The following MMP20 variants were observed in gnomAD, a reference collection of about 807,000 sequenced individuals.
MMP20 encodes matrix metalloproteinase-20.
MMP20 carries 50 observed loss-of-function variants against 51.8 expected under a neutral mutation model. The ratio of observed to expected loss-of-function variants is 0.97; its 90% CI spans 0.77 to 1.22. The LOEUF is 1.22. MMP20 is among the 50% of genes most tolerant of loss of function. The pLI is 0.00. For missense variants in MMP20, 663 were observed against 601.4 expected, an observed-to-expected ratio of 1.10 and a Z score of -1.07; for synonymous variants, 244 against 216.2, an observed-to-expected ratio of 1.13 and a Z score of -1.13.
intron 8 of MMP20, chr11:102,583,503 T>C (rs1222456007): frequency 6.6e-6 from 1 of 152,212 alleles, no homozygotes; most frequent in Non-Finnish European, 1.5e-5. Flanking sequence ...TACAGTATCA[T>C]GTTGTATAGG....
At chr11:102,615,961 C>T (rs1859664323) in intron 2 of MMP20, among the ~76,000 whole-genome samples, 1 of 152,102 alleles carries the variant, frequency 6.6e-6, no homozygotes, top group African/African-American at 2.4e-5. Context: ...TTGGTTGGAC[C>T]AACCTGGGGA....
Position 102,609,769 on chromosome 11 carries a change from T to C in MMP20, c.649+136A>G, listed in dbSNP as rs1431580046. The C allele has an allele frequency of 7.9e-6, 10 of 1,258,104 alleles. No homozygotes were observed. The East Asian group carries it at 2.1e-4, about 27-fold the overall frequency. The allele number at this position is 1,258,104 out of a possible 1,614,324, so 77.9% of individuals were successfully genotyped here. On this transcript the variant is annotated intron_variant, in intron 4 of 9. Transcript: ENST00000260228. Reference sequence around the variant, plus strand: ...TTTCCCTTATGTGATCCCTTTTGGATTTTTGGCTTACTTGTTTTTCCTAGC... The same window carrying C: ...TTTCCCTTATGTGATCCCTTTTGGACTTTTGGCTTACTTGTTTTTCCTAGC...
At chr11:102,594,390 G>A (rs1859354197) in intron 7 of MMP20, among the ~76,000 whole-genome samples, 1 of 152,192 alleles carries the variant, frequency 6.6e-6, no homozygotes, top group African/African-American at 2.4e-5. Context: ...ACCTAACACA[G>A]TGCCTTACTA....
intron 5 of MMP20, 86 bp downstream of exon 5, chr11:102,608,851 A>G (rs1859554033): frequency 8.8e-6 from 12 of 1,368,538 alleles, no homozygotes; most frequent in Non-Finnish European, 1.3e-5. Flanking sequence ...ATCTTTACCA[A>G]TGCAGATAAA....
At chr11:102,610,243 T>G (rs1859580191) in intron 3 of MMP20, among the ~76,000 whole-genome samples, 1 of 152,196 alleles carries the variant, frequency 6.6e-6, no homozygotes, top group Non-Finnish European at 1.5e-5. Context: ...ATAGTAAGCA[T>G]TAGCAATAAA....
chr11:102,601,125 C>CTTTTTTTTTTTTTTTTTTTTTTTT (rs1168517234), intron 6 of MMP20, among the ~76,000 whole-genome samples: 6 of 28,266 alleles, frequency 2.1e-4, no homozygotes, highest in Non-Finnish European at 3.0e-4. Flanking sequence ...GTCGGCTATT[C>CTTTTTTTTTTTTTTTTTTTTTTTT]TTTTTTTTTT....
rs533495464 is a variant in MMP20, at chr11:102,589,298, T to A, written c.1247+4141A>T. 7.2e-5 allele frequency among the ~76,000 whole-genome samples: 11 copies of A among 152,320 alleles called. No individual in the cohort carries two copies. In the South Asian group the frequency reaches 8.3e-4, roughly 11 times the overall value. On this transcript the variant is annotated intron_variant, in intron 8 of 9. Coordinates refer to ENST00000260228, the MANE Select transcript of MMP20 (RefSeq NM_004771.4). The stretch of plus-strand genomic sequence containing the variant: ...GGAAACTCCTACACAACTCTCAAAG[T>A]GGAGCTCAGCCATCACTTCCTCTAA...
rs1784423 is a variant in MMP20 at position 102,606,664 on chromosome 11, A to G, written c.824T>C (p.Val275Ala). Residue 275 changes from valine (V) to alanine (A), a missense_variant, in exon 6 of 10, where the codon GTA (valine) becomes GCA (alanine). Transcript: ENST00000260228. ...GIQALYGPRK[V>A]FLGKPTLPHA... is the part of the protein sequence containing the mutation. ...GGGCAGAGTGGGCTTCCCCAGGAAT[A>G]CTTTCCGAGGTCCTAGGATTCAAAA... 731,043 of 1,611,858 alleles carry G rather than the reference A, an allele frequency of 0.45. 168,714 individuals carry two copies. The highest frequency in any genetic ancestry group is 0.58 in the South Asian group (52,361 of 91,036).
At chr11:102,609,634 G>A (rs1208353896) in intron 4 of MMP20, among the ~76,000 whole-genome samples, 1 of 152,162 alleles carries the variant, frequency 6.6e-6, no homozygotes, top group African/African-American at 2.4e-5. Flanking sequence ...TAAATACTAG[G>A]TTGTTGAAGG....
At chr11:102,600,639 A>C (rs1281615554) in intron 6 of MMP20, among the ~76,000 whole-genome samples, 2 of 152,082 alleles carry the variant, frequency 1.3e-5, no homozygotes, top group Non-Finnish European at 2.9e-5. Context: ...CACTGCCACC[A>C]CATCTGGCTA....
At chr11:102,585,460 C>T (rs534511600) in intron 8 of MMP20, among the ~76,000 whole-genome samples, 8 of 152,288 alleles carry the variant, frequency 5.3e-5, no homozygotes, top group African/African-American at 1.4e-4. Context: ...TCATTCCTTG[C>T]AACCTTTCTG....
chr11:102,613,641 G>T (rs1047683625), intron 2 of MMP20, among the ~76,000 whole-genome samples: 4 of 152,096 alleles, frequency 2.6e-5, no homozygotes, highest in African/African-American at 4.8e-5. Context: ...GTAATCCTAG[G>T]GTCCCAAATG....
In MMP20 at chr11:102,579,668, C is replaced by T. The variant is rs180817980; in HGVS notation, c.1248-526G>A. ...CCTAAAAGAGATTATAGACCTTTAT[C>T]ACTATGCTCCCATGTTCCTGAGATT... is the stretch of plus-strand genomic sequence containing the variant. On this transcript the variant is annotated intron_variant, in intron 8 of 9. Transcript: ENST00000260228. 1.1e-3 allele frequency among the ~76,000 whole-genome samples: 163 copies of T among 152,232 alleles called. 1 individual carries two copies. The highest frequency in any genetic ancestry group is 2.7e-3 in the Admixed American group (42 of 15,296).
chr11:102,593,720 C>T lies in MMP20; in HGVS notation c.1091-125G>A, dbSNP rs1784440. On this transcript the variant is annotated intron_variant, in intron 7 of 9. Transcript: ENST00000260228. ...TGGGATACTTGCCATGGCTATAACC[C>T]AACAAGAGATATAAGCTTCTAACTA... The T allele has an allele frequency of 0.56, 573,794 of 1,032,646 alleles. 161,788 individuals are homozygous for T. The highest frequency in any genetic ancestry group is 0.66 in the South Asian group (47,662 of 72,578). The allele number at this position is 1,032,646 out of a possible 1,614,324, so 64.0% of individuals were successfully genotyped here.
At chr11:102,580,838 A>G (rs561109408) in intron 8 of MMP20, among the ~76,000 whole-genome samples, 3 of 152,328 alleles carry the variant, frequency 2.0e-5, no homozygotes, top group South Asian at 4.1e-4. Context: ...CTGAGAATAA[A>G]AGATGGTTCT....
chr11:102,598,558 C>T (rs771784451), intron 6 of MMP20, among the ~76,000 whole-genome samples: 4 of 152,176 alleles, frequency 2.6e-5, no homozygotes, highest in African/African-American at 9.7e-5. Context: ...ACCTGATCAA[C>T]AAGTTTCATA....
At position 102,611,783 on chromosome 11, in the gene MMP20, C is replaced by T. The variant is rs756811316; in HGVS notation, c.495G>A (p.Ala165=). 8.7e-6 allele frequency: 14 copies of T among 1,614,066 alleles called. No individual in the cohort carries two copies. The highest frequency in any genetic ancestry group is 6.7e-5 in the Admixed American group (4 of 60,012). Residue 165 remains alanine (A), a synonymous_variant, in exon 3 of 10, where the codon GCG becomes GCA. Coordinates refer to ENST00000260228, the MANE Select transcript of MMP20 (RefSeq NM_004771.4). The part of the protein sequence containing the change: ...LSFVRINSGE[A]DIMISFENGD... ...CATTTTCAAAAGATATCATAATATC[C>T]GCTTCTCCTGAGTTTATTCTGACAA...
At chr11:102,609,184 A>G (rs1364193182) in intron 4 of MMP20, 86 bp from the exon 5 acceptor site, 1 of 1,198,858 alleles carries the variant, frequency 8.3e-7, no homozygotes, top group East Asian at 2.5e-5. Flanking sequence ...ATTTATGCCC[A>G]CATTACAGTT....
At chr11:102,592,590 T>C (rs1399803555) in intron 8 of MMP20, among the ~76,000 whole-genome samples, 25 of 152,218 alleles carry the variant, frequency 1.6e-4, no homozygotes, top group Admixed American at 1.6e-3. Context: ...AAATGAAAGC[T>C]CTTGGAACAA....
Sources: allele counts gnomAD v4.1 joint callset (sites outside exome capture counted in the v4.1 genomes callset), GRCh38; gene constraint gnomAD v4.1.1; transcripts MANE v1.5; gene names NCBI Gene and HGNC (gene_info 2026-07-23, HGNC 2026-07-21).